The following ASPM variants were observed in gnomAD, a reference collection of about 807,000 sequenced individuals.
The protein encoded by ASPM is assembly factor for spindle microtubules.
In ASPM, 256 loss-of-function variants were observed where a neutral mutation model predicts 366.4. The ratio of observed to expected loss-of-function variants is 0.70; its 90% CI spans 0.63 to 0.77. ASPM has a LOEUF of 0.77. ASPM is among the 30% of genes least tolerant of loss of function. The pLI is 0.00. For missense variants in ASPM, 4,146 were observed against 4,090.4 expected (o/e 1.01, Z -0.37); for synonymous variants, 1,414 against 1,342.9 (o/e 1.05, Z -1.16).
chr1:197,133,633 C>A (rs200268423), intron 5 of ASPM, 38 bp from the exon 6 acceptor site: 1 of 1,598,098 alleles, frequency 6.3e-7, no homozygotes, highest in Admixed American at 1.7e-5. Context: ...TCTGGTTAAA[C>A]AATATCTCTA....
At position 197,104,590 on chromosome 1, in the gene ASPM, T is replaced by G; in HGVS notation, c.4661A>C (p.His1554Pro). The G allele has an allele frequency of 1.2e-6, 2 of 1,612,924 alleles. No homozygotes were observed. The highest frequency in any genetic ancestry group is 1.7e-6 in the Non-Finnish European group (2 of 1,179,394). ...AGCTCTAATTTGTCTACATAAATTATGAGCTTTCAGTCTCCTAAAAGCAGC... is the reference window on the plus strand; with the variant it reads ...AGCTCTAATTTGTCTACATAAATTAGGAGCTTTCAGTCTCCTAAAAGCAGC... ...LQAAFRRLKA[H>P]NLCRQIRAAC... Residue 1554 changes from histidine to proline, a missense_variant, in exon 18 of 28, where the codon CAT becomes CCT. By Grantham distance (77) the His-to-Pro change is moderately conservative. Around this residue, in one of 3 missense-constraint regions of ASPM, gnomAD observed 3,624 missense variants for 3,591.7 expected, o/e 1.01. Transcript: ENST00000367409.
At chr1:197,095,866 A>G (rs1571593096) in intron 19 of ASPM, 132 bp downstream of exon 19, 3 of 891,620 alleles carry the variant, frequency 3.4e-6, no homozygotes, top group East Asian at 5.4e-5. Flanking sequence ...GAAAATATCA[A>G]CAAAACCAAC....
intron 5 of ASPM, 95 bp downstream of exon 5, chr1:197,135,001 A>G (rs1658373000): frequency 2.1e-6 from 2 of 975,486 alleles, no homozygotes; most frequent in Non-Finnish European, 3.0e-6. Context: ...GCCATTAATT[A>G]TAATAACTAT....
intron 27 of ASPM, among the ~76,000 whole-genome samples, chr1:197,085,415 T>C (rs1656556758): frequency 6.6e-6 from 1 of 152,140 alleles, no homozygotes; most frequent in Non-Finnish European, 1.5e-5. Flanking sequence ...GAGAAAATAG[T>C]ATCAAACCGA....
intron 16 of ASPM, among the ~76,000 whole-genome samples, chr1:197,120,634 G>A (rs1049967702): frequency 3.3e-5 from 5 of 152,106 alleles, no homozygotes; most frequent in African/African-American, 1.2e-4. Flanking sequence ...CTCATTTAAT[G>A]CAATATACAA....
In ASPM at chr1:197,102,426, A is replaced by G. The variant is rs1223637544; in HGVS notation, c.6825T>C (p.Thr2275=). 6.2e-7 allele frequency: 1 copy of G among 1,612,624 alleles called. No homozygotes were observed. The highest frequency in any genetic ancestry group is 8.5e-7 in the Non-Finnish European group (1 of 1,179,224). ...AATLIQRRFR[T]LMMRRRFLSL... Reference sequence around the variant, plus strand: ...AGAGGAATCTTCTTCTCATCATTAGAGTTCTAAATCTCCTCTGAATGAGAG... The same window carrying G: ...AGAGGAATCTTCTTCTCATCATTAGGGTTCTAAATCTCCTCTGAATGAGAG... The change falls in exon 18 of 28, where the codon ACT becomes ACC. Residue 2275 remains threonine, a synonymous_variant. Coordinates refer to ENST00000367409, the MANE Select transcript of ASPM (RefSeq NM_018136.5).
In ASPM at chr1:197,143,484, C is replaced by T. The variant is rs886504085; in HGVS notation, c.768G>A (p.Arg256=). The T allele has an allele frequency of 2.2e-5, 35 of 1,613,844 alleles. No individual in the cohort carries two copies. The highest frequency in any genetic ancestry group is 2.7e-5 in the Non-Finnish European group (32 of 1,179,916). ...TYSSLHASEN[R]ELLNVHSANV... ...TGGCACTGTGTACATTTAATAGTTCCCTATTTTCTGATGCATGAAGAGATG... is the reference window on the plus strand; with the variant it reads ...TGGCACTGTGTACATTTAATAGTTCTCTATTTTCTGATGCATGAAGAGATG... Residue 256 remains arginine, a synonymous_variant, in exon 3 of 28, where the codon AGG becomes AGA. Coordinates refer to ENST00000367409, the MANE Select transcript of ASPM (RefSeq NM_018136.5).
intron 17 of ASPM, among the ~76,000 whole-genome samples, chr1:197,113,071 C>T (rs1413206963): frequency 6.6e-6 from 1 of 152,098 alleles, no homozygotes; most frequent in Non-Finnish European, 1.5e-5. Context: ...CAGTAATGTG[C>T]ATTTAGCTGG....
At chr1:197,087,074 T>A in intron 26 of ASPM, 102 bp from the exon 27 acceptor site, 3 of 911,300 alleles carry the variant, frequency 3.3e-6, no homozygotes, top group Non-Finnish European at 4.7e-6. Flanking sequence ...GCAGTAAACC[T>A]TTTTTTTTTC....
chr1:197,145,350 A>T (rs1658733096), intron 1 of ASPM, among the ~76,000 whole-genome samples: 1 of 152,210 alleles, frequency 6.6e-6, no homozygotes, highest in Admixed American at 6.5e-5. Flanking sequence ...TTCTTGAAAC[A>T]ACATTTATAA....
rs765054857 is a variant in ASPM, at chr1:197,100,474, T to C, written c.8777A>G (p.Lys2926Arg). The C allele has an allele frequency of 1.3e-6, 2 of 1,579,494 alleles. No individual in the cohort carries two copies. Among genetic ancestry groups the C allele is most frequent in the South Asian group, 2.4e-5 (2 of 84,986 alleles). The change falls in exon 18 of 28, where the codon AAA (lysine) becomes AGA (arginine). Residue 2926 changes from lysine (K) to arginine (R), a missense_variant. Lys to Arg is a conservative substitution (Grantham distance 26). Coordinates refer to ENST00000367409, the MANE Select transcript of ASPM (RefSeq NM_018136.5). The stretch of plus-strand genomic sequence containing the variant: ...ATTTTTAATTTCCTGAAACTTCCGT[T>C]TCTGTATAAATCCTTTACTTCTAGC... ...IQARSKGFIQKRKFQEIKNST... is the reference protein window; with the variant it reads ...IQARSKGFIQRRKFQEIKNST...
intron 23 of ASPM, 106 bp downstream of exon 23, chr1:197,090,744 A>T: frequency 9.7e-7 from 1 of 1,028,646 alleles, no homozygotes; most frequent in Non-Finnish European, 1.5e-6. Context: ...CTACCGGCTA[A>T]TGCGTTAGCT....
intron 4 of ASPM, chr1:197,138,645 TTTTAAAATA>T (rs1658489915): frequency 3.9e-6 from 2 of 509,664 alleles, no homozygotes. Context: ...GCAAGCCAAT[TTTTAAAATA>T]AGAACTTCAA....
At position 197,093,264 on chromosome 1, in the gene ASPM, A is replaced by G. The variant is rs201188381; in HGVS notation, c.9085-3T>C. 5.0e-5 allele frequency: 80 copies of G among 1,609,626 alleles called. No individual in the cohort carries two copies. Among genetic ancestry groups the G allele is most frequent in the Admixed American group, 2.7e-4 (16 of 59,858 alleles). ...ATCAAACAAGCAGCTCGATGTCTCT[A>G]TAAGGAAAAATTTACAAGTAACATT... On this transcript the variant is annotated splice_polypyrimidine_tract_variant and splice_region_variant and intron_variant, in intron 20 of 27. Transcript: ENST00000367409.
At chr1:197,091,749 A>G (rs1356464193) in intron 22 of ASPM, among the ~76,000 whole-genome samples, 158 bp downstream of exon 22, 1 of 152,048 alleles carries the variant, frequency 6.6e-6, no homozygotes, top group African/African-American at 2.4e-5. Flanking sequence ...TAAAACATCA[A>G]TCTATTTCTA....
At chr1:197,145,235 A>G (rs1658729697) in intron 1 of ASPM, among the ~76,000 whole-genome samples, 1 of 152,204 alleles carries the variant, frequency 6.6e-6, no homozygotes, top group South Asian at 2.1e-4. Context: ...ACTCAATGGA[A>G]AGGTCACAGC....
intron 18 of ASPM, among the ~76,000 whole-genome samples, chr1:197,097,326 CT>C (rs1159400874): frequency 1.3e-5 from 2 of 151,760 alleles, no homozygotes; most frequent in Non-Finnish European, 2.9e-5. Context: ...ACGCTTCCCC[CT>C]GCACAGATCT....
intron 16 of ASPM, among the ~76,000 whole-genome samples, chr1:197,120,485 G>A (rs756331496): frequency 2.6e-5 from 4 of 152,032 alleles, no homozygotes; most frequent in Non-Finnish European, 5.9e-5. Flanking sequence ...AGCCAAGATC[G>A]TGCTATTGCA....
intron 16 of ASPM, among the ~76,000 whole-genome samples, chr1:197,120,867 G>A (rs1657887213): frequency 6.6e-6 from 1 of 152,130 alleles, no homozygotes; most frequent in East Asian, 1.9e-4. Context: ...TGAGTGTTAA[G>A]ACCCTGCCTA....
Sources: gnomAD v4.1 joint callset for allele counts (sites outside exome capture counted in the v4.1 genomes callset) on GRCh38, gnomAD v4.1.1 for gene constraint, gnomAD v4.1.1 regional missense constraint, MANE v1.5 for transcripts, NCBI Gene and HGNC (gene_info 2026-07-23, HGNC 2026-07-21) for gene names.